Variants in MOSPD1 observed in about 807,000 individuals in gnomAD.
The protein encoded by MOSPD1 is motile sperm domain containing 1.
Under a neutral mutation model 16.7 loss-of-function variants are expected in MOSPD1, and 5 were observed. The observed-to-expected ratio is 0.30, with a 90% confidence interval of 0.16 to 0.63. The LOEUF is 0.63. Among genes scored for constraint, MOSPD1 ranks in the 30% least tolerant of loss-of-function variants. The pLI, the probability that MOSPD1 is intolerant of heterozygous loss-of-function variation, is 0.82. For missense variants in MOSPD1, 104 were observed against 153.6 expected (o/e 0.68, Z 1.71); for synonymous variants, 67 against 59.2 (o/e 1.13, Z -0.61).
intron 1 of MOSPD1, among the ~76,000 whole-genome samples, chrX:134,909,662 T>C (rs1181420114): frequency 8.9e-6 from 1 of 112,435 alleles, no homozygotes; most frequent in African/African-American, 3.2e-5. Context: ...TTCCCAGTAT[T>C]GTTAATTGGG....
At chrX:134,907,747 A>T (rs1049770013) in intron 1 of MOSPD1, among the ~76,000 whole-genome samples, 1 of 112,472 alleles carries the variant, frequency 8.9e-6, no homozygotes, top group Non-Finnish European at 1.9e-5. Flanking sequence ...CACACATGTA[A>T]TCCTAGCTAC....
chrX:134,906,680 G>A (rs1383378920), intron 1 of MOSPD1, among the ~76,000 whole-genome samples: 1 of 111,633 alleles, frequency 9.0e-6, no homozygotes, highest in African/African-American at 3.3e-5. Flanking sequence ...ATGATAAAGT[G>A]CAAAAATCCT....
chrX:134,909,425 C>T (rs1394131608), intron 1 of MOSPD1, among the ~76,000 whole-genome samples: 2 of 111,742 alleles, frequency 1.8e-5, no homozygotes, highest in African/African-American at 6.5e-5. Context: ...ACTATCTCTC[C>T]CTGGCTCTTG....
intron 3 of MOSPD1, 73 bp downstream of exon 3, chrX:134,899,017 C>CTT: frequency 2.3e-6 from 2 of 871,303 alleles, no homozygotes; most frequent in Non-Finnish European, 3.2e-6. Flanking sequence ...AAGAAAATAT[C>CTT]TTTTTTTTTC....
chrX:134,911,659 A>C (rs1170450287), intron 1 of MOSPD1, among the ~76,000 whole-genome samples: 2 of 112,058 alleles, frequency 1.8e-5, no homozygotes, highest in East Asian at 5.6e-4. Flanking sequence ...AAATCTTTTG[A>C]GTTTGGTTGG....
At chrX:134,896,173 A>G (rs762692994) in intron 4 of MOSPD1, among the ~76,000 whole-genome samples, 2 of 111,436 alleles carry the variant, frequency 1.8e-5, no homozygotes, top group Non-Finnish European at 3.8e-5. Flanking sequence ...GAAGTTAAGA[A>G]GACGGGATAA....
intron 1 of MOSPD1, among the ~76,000 whole-genome samples, chrX:134,906,281 C>T (rs890241682): frequency 6.9e-5 from 7 of 101,744 alleles, no homozygotes; most frequent in African/African-American, 1.8e-4. Context: ...CGGGTTCAAG[C>T]GATTCTCGTG....
At chrX:134,889,347 T>C (rs1198368270) in intron 5 of MOSPD1, among the ~76,000 whole-genome samples, 155 bp from the exon 6 acceptor site, 1 of 112,524 alleles carries the variant, frequency 8.9e-6, no homozygotes, top group Non-Finnish European at 1.9e-5. Context: ...TTTGTTGATA[T>C]CATAAAGAAG....
chrX:134,915,213 T>G lies in MOSPD1; in HGVS notation c.-133A>C, dbSNP rs1410907632. On this transcript the variant is annotated 5_prime_UTR_variant, in exon 1 of 6. Coordinates refer to ENST00000370783, the MANE Select transcript of MOSPD1 (RefSeq NM_019556.3). ...AACACCGGCTTCCTCGGAAAGCAGCTGCGACTGCTCCTCCGCTCCTTTGTC... is the reference window on the plus strand; with the variant it reads ...AACACCGGCTTCCTCGGAAAGCAGCGGCGACTGCTCCTCCGCTCCTTTGTC... 1 of 112,225 alleles carries G rather than the reference T, an allele frequency of 8.9e-6. No homozygotes were observed. Among genetic ancestry groups the G allele is most frequent in the Non-Finnish European group, 1.9e-5 (1 of 53,209 alleles). The allele number at this position is 112,225 out of a possible 1,213,427, so 9.2% of individuals were successfully genotyped here. A position where few individuals can be genotyped will look rare whatever the true frequency, so the allele number is the denominator to read the frequency against.
chrX:134,904,514 A>G (rs1285593775), intron 1 of MOSPD1, among the ~76,000 whole-genome samples: 2 of 112,046 alleles, frequency 1.8e-5, no homozygotes, highest in East Asian at 2.8e-4. Context: ...GTGAAACAAC[A>G]TGGAACAGAA....
At position 134,899,416 on chromosome X, in the gene MOSPD1, T is replaced by C. The variant is rs770087984; in HGVS notation, c.18A>G (p.Arg6=). Residue 6 remains arginine (R), a synonymous_variant, in exon 2 of 6, where the codon AGA becomes AGG. Coordinates refer to ENST00000370783, the MANE Select transcript of MOSPD1 (RefSeq NM_019556.3). The stretch of plus-strand genomic sequence containing the variant: ...GATTTCCTTCCACTAACTCTGGTTG[T>C]CTTTTTTGTTGATGCATTGGCACTG... The part of the protein sequence containing the change: MHQQK[R]QPELVEGNLP... 1 of 1,180,017 alleles carries C rather than the reference T, an allele frequency of 8.5e-7. No individual in the cohort carries two copies.
chrX:134,901,476 C>G (rs2082911030), intron 1 of MOSPD1, among the ~76,000 whole-genome samples: 2 of 110,320 alleles, frequency 1.8e-5, no homozygotes, highest in African/African-American at 6.6e-5. Context: ...TGGTGAAGCC[C>G]CCGTCTCTAC....
At chrX:134,903,698 T>G (rs1603256738) in intron 1 of MOSPD1, among the ~76,000 whole-genome samples, 1 of 73,684 alleles carries the variant, frequency 1.4e-5, no homozygotes, top group East Asian at 3.7e-4. Flanking sequence ...GGTGACAGAG[T>G]GAGACTCCAT....
intron 1 of MOSPD1, chrX:134,899,982 A>T (rs1235191382): frequency 3.6e-5 from 4 of 111,552 alleles, no homozygotes; most frequent in Non-Finnish European, 5.6e-5. Flanking sequence ...TCACTTAAAC[A>T]TGGCTTTTGA....
intron 2 of MOSPD1, 44 bp downstream of exon 2, chrX:134,899,236 T>A: frequency 8.5e-7 from 1 of 1,178,631 alleles, no homozygotes. Context: ...AAAAAATTAG[T>A]AGGGACCAGT....
chrX:134,907,249 T>C (rs1309194363), intron 1 of MOSPD1, among the ~76,000 whole-genome samples: 2 of 110,860 alleles, frequency 1.8e-5, no homozygotes, highest in Non-Finnish European at 3.8e-5. Flanking sequence ...AAAAATAAAG[T>C]CCTGCTTCCC....
intron 3 of MOSPD1, 86 bp from the exon 4 acceptor site, chrX:134,897,120 C>G: frequency 1.6e-6 from 1 of 608,224 alleles, no homozygotes. Context: ...ATATATTAAA[C>G]AATATTAACT....
At chrX:134,889,750 G>T (rs1435930434) in intron 5 of MOSPD1, among the ~76,000 whole-genome samples, 1 of 111,518 alleles carries the variant, frequency 9.0e-6, no homozygotes, top group African/African-American at 3.3e-5. Context: ...CAGAAAAGTT[G>T]CCCCCAATGA....
chrX:134,907,639 C>A (rs1490224144), intron 1 of MOSPD1, among the ~76,000 whole-genome samples: 1 of 112,337 alleles, frequency 8.9e-6, no homozygotes, highest in Non-Finnish European at 1.9e-5. Context: ...CCGATGCGGG[C>A]GGATCACTTG....
Sources: gnomAD v4.1 joint callset for allele counts (sites outside exome capture counted in the v4.1 genomes callset) on GRCh38, gnomAD v4.1.1 for gene constraint, MANE v1.5 for transcripts, NCBI Gene and HGNC (gene_info 2026-07-23, HGNC 2026-07-21) for gene names.